The following BEND6 variants were observed in gnomAD, a reference collection of about 807,000 sequenced individuals.
BEND6 encodes the protein BEN domain containing 6, also known as BEN domain-containing protein 6.
BEND6 carries 24 observed loss-of-function variants against 31.8 expected under a neutral mutation model. That is an observed-to-expected ratio of 0.75 (90% CI 0.55 to 1.06). The LOEUF (loss-of-function observed/expected upper bound fraction) is 1.06. BEND6 is among the 50% of genes least tolerant of loss of function. The probability of loss-of-function intolerance (pLI) is 0.00; values close to 1 mark genes in which losing one functional copy is unlikely to be tolerated. For missense variants in BEND6, 294 were observed against 327.4 expected, an observed-to-expected ratio of 0.90 and a Z score of 0.79; for synonymous variants, 109 against 114.6, an observed-to-expected ratio of 0.95 and a Z score of 0.31.
intron 1 of BEND6, among the ~76,000 whole-genome samples, chr6:56,959,624 A>G (rs542019715): frequency 1.6e-4 from 24 of 152,360 alleles, no homozygotes; most frequent in African/African-American, 5.3e-4. Context: ...GGTGATTTCC[A>G]GCCACCAGAA....
At chr6:57,010,640 T>C in intron 3 of BEND6, 1 of 922,020 alleles carries the variant, frequency 1.1e-6, no homozygotes, top group Non-Finnish European at 1.3e-6. Context: ...TGAATTGAAA[T>C]GGGAGAATTT....
intron 6 of BEND6, among the ~76,000 whole-genome samples, chr6:57,020,979 GT>G (rs1442992915): frequency 6.6e-6 from 1 of 152,036 alleles, no homozygotes; most frequent in African/African-American, 2.4e-5. Flanking sequence ...CAATAGAAGT[GT>G]TATTAAATCT....
intron 3 of BEND6, among the ~76,000 whole-genome samples, chr6:57,004,978 GAATT>G (rs1306280891): frequency 6.6e-6 from 1 of 152,126 alleles, no homozygotes; most frequent in Non-Finnish European, 1.5e-5. Flanking sequence ...AATATGAAAA[GAATT>G]AAGAAGTAAT....
intron 1 of BEND6, among the ~76,000 whole-genome samples, chr6:56,976,512 G>A (rs1249725934): frequency 6.6e-6 from 1 of 151,040 alleles, no homozygotes; most frequent in Non-Finnish European, 1.5e-5. Flanking sequence ...TGCTTCTAAG[G>A]CAGAGTGGAG....
At chr6:57,025,329 G>T (rs561703236) in intron 6 of BEND6, among the ~76,000 whole-genome samples, 1 of 152,172 alleles carries the variant, frequency 6.6e-6, no homozygotes, top group Non-Finnish European at 1.5e-5. Flanking sequence ...CTGTCTTTTT[G>T]GTCTGACTTG....
rs751697859 is a variant in BEND6 at position 57,018,459 on chromosome 6, T to C, written c.751T>C (p.Ser251Pro). The C allele has an allele frequency of 6.3e-7, 1 of 1,585,926 alleles. No homozygotes were observed. Among genetic ancestry groups the C allele is most frequent in the East Asian group, 2.3e-5 (1 of 43,518 alleles). ...ATTATTTCCCAATACGGATGATGTT[T>C]CAATTAGGAGAATGATAGGGCAAAA... ...KQLFPNTDDVSIRRMIGQKLN... is the reference protein window; with the variant it reads ...KQLFPNTDDVPIRRMIGQKLN... The change falls in exon 6 of 7, where the codon TCA becomes CCA. Residue 251 changes from serine (S) to proline (P), a missense_variant. Transcript: ENST00000370746.
intron 3 of BEND6, among the ~76,000 whole-genome samples, chr6:57,004,013 A>G (rs866971928): frequency 1.8e-4 from 27 of 152,330 alleles, no homozygotes; most frequent in Middle Eastern, 3.4e-3. Flanking sequence ...GAAAATAGGC[A>G]TCAAAGGAAC....
At chr6:56,984,924 G>A (rs1408554674) in intron 2 of BEND6, among the ~76,000 whole-genome samples, 1 of 152,174 alleles carries the variant, frequency 6.6e-6, no homozygotes, top group Non-Finnish European at 1.5e-5. Context: ...AAAGTAATTG[G>A]CTTTTTCAAA....
chr6:56,979,864 A>G (rs1826011017), intron 1 of BEND6, among the ~76,000 whole-genome samples: 1 of 152,224 alleles, frequency 6.6e-6, no homozygotes, highest in Non-Finnish European at 1.5e-5. Flanking sequence ...CTAGGAGGAC[A>G]GTTTGTATCT....
At chr6:57,008,330 A>C (rs199577987) in intron 3 of BEND6, 1 of 684,250 alleles carries the variant, frequency 1.5e-6, no homozygotes, top group Non-Finnish European at 2.7e-6. Context: ...GCAGAAGCCC[A>C]TGCAAGGCTA....
intron 3 of BEND6, among the ~76,000 whole-genome samples, chr6:56,996,583 T>C (rs1361087354): frequency 6.6e-6 from 1 of 152,224 alleles, no homozygotes; most frequent in Non-Finnish European, 1.5e-5. Flanking sequence ...TAGGCTAACA[T>C]GTTTCAAACC....
At chr6:56,976,475 G>A (rs1051973156) in intron 1 of BEND6, among the ~76,000 whole-genome samples, 4 of 150,718 alleles carry the variant, frequency 2.7e-5, no homozygotes, top group Non-Finnish European at 5.9e-5. Context: ...GATTACAGGC[G>A]TGAGTCACCA....
At position 57,026,550 on chromosome 6, in the gene BEND6, A is replaced by G. The variant is rs1490316639; in HGVS notation, c.*478A>G. Reference sequence around the variant, plus strand: ...ACATGCTTGCAAAAGTAAACAGTGAAATAATTAATGTTGGCAAATATGAGA... The same window carrying G: ...ACATGCTTGCAAAAGTAAACAGTGAGATAATTAATGTTGGCAAATATGAGA... On this transcript the variant is annotated 3_prime_UTR_variant, in exon 7 of 7. Coordinates refer to ENST00000370746, the MANE Select transcript of BEND6 (RefSeq NM_152731.3). The G allele has an allele frequency of 6.6e-6, 1 of 152,210 alleles. No individual in the cohort carries two copies. The highest frequency in any genetic ancestry group is 2.4e-5 in the African/African-American group (1 of 41,454). 9.4% of individuals were successfully genotyped at this position (152,210 alleles called of 1,614,324 possible). A position where few individuals can be genotyped will look rare whatever the true frequency, so the allele number is the denominator to read the frequency against.
At chr6:56,968,270 C>T (rs1484489505) in intron 1 of BEND6, among the ~76,000 whole-genome samples, 1 of 150,624 alleles carries the variant, frequency 6.6e-6, no homozygotes, top group East Asian at 1.9e-4. Context: ...ATAGCCCCCT[C>T]AAGCATAATG....
At chr6:56,991,945 GC>G (rs1473422536) in intron 2 of BEND6, among the ~76,000 whole-genome samples, 1 of 152,126 alleles carries the variant, frequency 6.6e-6, no homozygotes, top group Non-Finnish European at 1.5e-5. Context: ...GGTATACCCT[GC>G]CATCTTGTTA....
chr6:57,017,269 T>A lies in BEND6; in HGVS notation c.582T>A (p.Asn194Lys). Residue 194 changes from asparagine (N) to lysine (K), a missense_variant, in exon 5 of 7, where the codon AAT (asparagine) becomes AAA (lysine). Coordinates refer to ENST00000370746, the MANE Select transcript of BEND6 (RefSeq NM_152731.3). ...AGAGCAAGCCTCAGAAGTTTATTAA[T>A]GATTTAATGCAAGTACTTTACACAA... is the stretch of plus-strand genomic sequence containing the variant. ...CNKSKPQKFI[N>K]DLMQVLYTNE... is the part of the protein sequence containing the mutation. The A allele has an allele frequency of 1.3e-6, 2 of 1,561,860 alleles. No individual in the cohort carries two copies. The highest frequency in any genetic ancestry group is 1.7e-6 in the Non-Finnish European group (2 of 1,155,002).
Position 56,955,205 on chromosome 6 carries a change from C to T in BEND6, c.-356C>T, listed in dbSNP as rs1237748431. On this transcript the variant is annotated 5_prime_UTR_variant, in exon 1 of 7. Transcript: ENST00000370746. ...GCACCCGGGCCTGAGAGCCCAGCGC[C>T]CTCCCGCGGGGCCGCCCGCCAGTCC... 1 of 151,650 alleles carries T rather than the reference C, an allele frequency of 6.6e-6. No individual in the cohort carries two copies. Among genetic ancestry groups the T allele is most frequent in the Admixed American group, 6.6e-5 (1 of 15,210 alleles). The allele number at this position is 151,650 out of a possible 1,614,324, so 9.4% of individuals were successfully genotyped here. A position where few individuals can be genotyped will look rare whatever the true frequency, so the allele number is the denominator to read the frequency against.
intron 1 of BEND6, among the ~76,000 whole-genome samples, chr6:56,964,704 T>A (rs1309283038): frequency 2.6e-5 from 4 of 152,206 alleles, no homozygotes; most frequent in African/African-American, 9.6e-5. Flanking sequence ...TCTCATTATG[T>A]TACTCAGGCT....
intron 6 of BEND6, among the ~76,000 whole-genome samples, chr6:57,020,767 G>A (rs1160912825): frequency 6.6e-6 from 1 of 151,372 alleles, no homozygotes; most frequent in Non-Finnish European, 1.5e-5. Context: ...AAGTCAAGTG[G>A]CTATCTTTTG....
Sources: gnomAD v4.1 joint callset for allele counts (sites outside exome capture counted in the v4.1 genomes callset) on GRCh38, gnomAD v4.1.1 for gene constraint, MANE v1.5 for transcripts, NCBI Gene and HGNC (gene_info 2026-07-23, HGNC 2026-07-21) for gene names.